Variants in PCDHB3 observed in about 807,000 individuals in gnomAD.
The protein encoded by PCDHB3 is protocadherin beta 3, also known as protocadherin beta-3.
For synonymous variants in PCDHB3, 479 were observed against 456.0 expected (o/e 1.05, Z -0.64); for missense variants, 967 against 1,012.1 (o/e 0.96, Z 0.60).
Position 141,103,728 on chromosome 5 carries a change from G to A in PCDHB3, c.*688G>A, listed in dbSNP as rs1752018220. 1 of 151,994 alleles carries A rather than the reference G, an allele frequency of 6.6e-6. No individual in the cohort carries two copies. The highest frequency in any genetic ancestry group is 2.4e-5 in the African/African-American group (1 of 41,350). 9.4% of individuals were successfully genotyped at this position (151,994 alleles called of 1,614,324 possible). On this transcript the variant is annotated 3_prime_UTR_variant, in exon 1 of 1. Transcript: ENST00000231130. ...TATGTGCTTATATTGGCCAAAATAT[G>A]GACACAAATATAGACTAATATGGGT...
Position 141,102,539 on chromosome 5 carries a change from G to A in PCDHB3, c.1890G>A (p.Leu630=). 6.2e-7 allele frequency: 1 copy of A among 1,608,624 alleles called. No individual in the cohort carries two copies. The highest frequency in any genetic ancestry group is 8.5e-7 in the Non-Finnish European group (1 of 1,179,630). ...GCGAAGTGCGCACCGCCAGGCTGCTGAGCGAGCGCGACGCGGCCAAGCACA... is the reference window on the plus strand; with the variant it reads ...GCGAAGTGCGCACCGCCAGGCTGCTAAGCGAGCGCGACGCGGCCAAGCACA... ...HNGEVRTARL[L]SERDAAKHRL... The change falls in exon 1 of 1, where the codon CTG becomes CTA. Residue 630 remains leucine (L), a synonymous_variant. Transcript: ENST00000231130.
rs781941686 is a variant in PCDHB3, at chr5:141,102,478, C to A, written c.1829C>A (p.Thr610Lys). Residue 610 changes from threonine to lysine, a missense_variant, in exon 1 of 1, where the codon ACG (threonine) becomes AAG (lysine). By Grantham distance (78) the Thr-to-Lys change is moderately conservative (BLOSUM62 -1). Coordinates refer to ENST00000231130, the MANE Select transcript of PCDHB3 (RefSeq NM_018937.5). ...CTGTCGTACCAGCTGCTCAAGGCCACGGAGCCCGGGCTGTTCGGCGTGTGG... is the reference window on the plus strand; with the variant it reads ...CTGTCGTACCAGCTGCTCAAGGCCAAGGAGCCCGGGCTGTTCGGCGTGTGG... The part of the protein sequence containing the change: ...AWLSYQLLKA[T>K]EPGLFGVWAH... The A allele has an allele frequency of 3.7e-6, 6 of 1,609,340 alleles. No homozygotes were observed. Among genetic ancestry groups the A allele is most frequent in the Non-Finnish European group, 5.1e-6 (6 of 1,179,598 alleles).
chr5:141,102,552 G>T lies in PCDHB3; in HGVS notation c.1903G>T (p.Ala635Ser). The change falls in exon 1 of 1, where the codon GCG (alanine) becomes TCG (serine). Residue 635 changes from alanine (A) to serine (S), a missense_variant. Physicochemically the swap from Ala to Ser is moderately conservative, Grantham distance 99. Transcript: ENST00000231130. ...RTARLLSERD[A>S]AKHRLVVLVK... ...CGCCAGGCTGCTGAGCGAGCGCGAC[G>T]CGGCCAAGCACAGGCTGGTGGTGCT... 1 of 1,608,686 alleles carries T rather than the reference G, an allele frequency of 6.2e-7. No homozygotes were observed.
chr5:141,101,253 C>A lies in PCDHB3; in HGVS notation c.604C>A (p.Pro202Thr). 5 of 1,614,078 alleles carry A rather than the reference C, an allele frequency of 3.1e-6. No homozygotes were observed. Among genetic ancestry groups the A allele is most frequent in the Non-Finnish European group, 3.4e-6 (4 of 1,179,992 alleles). Reference protein sequence around the residue: ...PELVLDKALDPEEQPELSLTL... With the variant: ...PELVLDKALDTEEQPELSLTL... Reference sequence around the variant, plus strand: ...ACTAGTACTGGATAAAGCGCTCGATCCGGAGGAGCAGCCGGAACTCAGCTT... The same window carrying A: ...ACTAGTACTGGATAAAGCGCTCGATACGGAGGAGCAGCCGGAACTCAGCTT... The change falls in exon 1 of 1, where the codon CCG becomes ACG. Residue 202 changes from proline (P) to threonine (T), a missense_variant. Pro to Thr is a conservative substitution (Grantham distance 38). Transcript: ENST00000231130.
In PCDHB3 at chr5:141,101,883, G is replaced by A; in HGVS notation, c.1234G>A (p.Glu412Lys). 1.2e-6 allele frequency: 2 copies of A among 1,614,182 alleles called. No homozygotes were observed. Among genetic ancestry groups the A allele is most frequent in the Non-Finnish European group, 8.5e-7 (1 of 1,180,036 alleles). Residue 412 changes from glutamate to lysine, a missense_variant, in exon 1 of 1, where the codon GAG becomes AAG. Physicochemically the swap from Glu to Lys is moderately conservative, Grantham distance 56. Transcript: ENST00000231130. Reference protein sequence around the residue: ...TLVSEGALDRETRSEYNITIT... With the variant: ...TLVSEGALDRKTRSEYNITIT... ...AGTGTCAGAAGGCGCGCTGGACAGA[G>A]AGACCAGATCCGAGTACAACATTAC...
chr5:141,101,933 A>G lies in PCDHB3; in HGVS notation c.1284A>G (p.Thr428=), dbSNP rs1325740360. 6.2e-7 allele frequency: 1 copy of G among 1,614,066 alleles called. No individual in the cohort carries two copies. Among genetic ancestry groups the G allele is most frequent in the South Asian group, 1.1e-5 (1 of 91,076 alleles). ...CCATCACTATCACTGACCTGGGGAC[A>G]CCCAGGCTGAAAACCAAGTACAACA... The part of the protein sequence containing the change: ...NITITITDLG[T]PRLKTKYNIT... Residue 428 remains threonine (T), a synonymous_variant, in exon 1 of 1, where the codon ACA becomes ACG. Coordinates refer to ENST00000231130, the MANE Select transcript of PCDHB3 (RefSeq NM_018937.5).
rs1752002888 is a variant in PCDHB3 at position 141,103,048 on chromosome 5, T to A, written c.*8T>A. On this transcript the variant is annotated 3_prime_UTR_variant, in exon 1 of 1. Transcript: ENST00000231130. ...AGCTTTGAATTCAGTTAAGTGTTAA[T>A]AAGGATCTACTGAGCCTCGTCTTAG... 2 of 1,602,064 alleles carry A rather than the reference T, an allele frequency of 1.2e-6. No individual in the cohort carries two copies. The highest frequency in any genetic ancestry group is 1.7e-6 in the Non-Finnish European group (2 of 1,173,570).
In PCDHB3 at chr5:141,102,116, G is replaced by C. The variant is rs1206872316; in HGVS notation, c.1467G>C (p.Ser489=). 7.4e-6 allele frequency: 12 copies of C among 1,612,744 alleles called. No individual in the cohort carries two copies. The highest frequency in any genetic ancestry group is 2.2e-5 in the East Asian group (1 of 44,888). ...GCACCAACGCCCAGGTAACCTACTCGCTGCTGCCGCCCCAGGACCCGCACC... is the reference window on the plus strand; with the variant it reads ...GCACCAACGCCCAGGTAACCTACTCCCTGCTGCCGCCCCAGGACCCGCACC... ...DSGTNAQVTY[S]LLPPQDPHLP... The change falls in exon 1 of 1, where the codon TCG becomes TCC. Residue 489 remains serine, a synonymous_variant. Transcript: ENST00000231130.
Position 141,102,827 on chromosome 5 carries a change from G to T in PCDHB3, c.2178G>T (p.Ser726=), listed in dbSNP as rs370310302. 2.5e-6 allele frequency: 4 copies of T among 1,612,146 alleles called. No homozygotes were observed. The Admixed American group carries it at 5.0e-5, about 20-fold the overall frequency. ...RSRAASVGRC[S]VPEGPFPGQM... Reference sequence around the variant, plus strand: ...GGGCGGCCTCGGTGGGTCGCTGCTCGGTGCCCGAGGGCCCCTTTCCAGGGC... The same window carrying T: ...GGGCGGCCTCGGTGGGTCGCTGCTCTGTGCCCGAGGGCCCCTTTCCAGGGC... The change falls in exon 1 of 1, where the codon TCG becomes TCT. Residue 726 remains serine, a synonymous_variant. Transcript: ENST00000231130.
chr5:141,102,255 C>T lies in PCDHB3; in HGVS notation c.1606C>T (p.Arg536Cys), dbSNP rs1156469875. Residue 536 changes from arginine (R) to cysteine (C), a missense_variant, in exon 1 of 1, where the codon CGT becomes TGT. Coordinates refer to ENST00000231130, the MANE Select transcript of PCDHB3 (RefSeq NM_018937.5). ...AFEFRVGATD[R>C]GSPALSSEAL... is the part of the protein sequence containing the mutation. ...CGAGTTCCGCGTGGGCGCCACAGAC[C>T]GTGGCTCCCCGGCTTTGAGCAGCGA... 3 of 1,612,110 alleles carry T rather than the reference C, an allele frequency of 1.9e-6. No homozygotes were observed. The highest frequency in any genetic ancestry group is 2.5e-6 in the Non-Finnish European group (3 of 1,179,848).
rs1554272037 is a variant in PCDHB3, at chr5:141,100,616, C to T, written c.-34C>T. On this transcript the variant is annotated 5_prime_UTR_variant, in exon 1 of 1. Coordinates refer to ENST00000231130, the MANE Select transcript of PCDHB3 (RefSeq NM_018937.5). ...CAGCTCTGTCTGAGGTTCAGCTTGG[C>T]GACATTCCCTGGAAGAGCGTGACGG... is the stretch of plus-strand genomic sequence containing the variant. 4 of 1,483,294 alleles carry T rather than the reference C, an allele frequency of 2.7e-6. No homozygotes were observed. Among genetic ancestry groups the T allele is most frequent in the South Asian group, 1.3e-5 (1 of 78,954 alleles). 91.9% of individuals were successfully genotyped at this position (1,483,294 alleles called of 1,614,324 possible). A position where few individuals can be genotyped will look rare whatever the true frequency, so the allele number is the denominator to read the frequency against.
Position 141,101,519 on chromosome 5 carries a change from A to G in PCDHB3, c.870A>G (p.Lys290=), listed in dbSNP as rs1751941400. 1 of 1,614,136 alleles carries G rather than the reference A, an allele frequency of 6.2e-7. No homozygotes were observed. The highest frequency in any genetic ancestry group is 2.2e-5 in the East Asian group (1 of 44,888). Residue 290 remains lysine (K), a synonymous_variant, in exon 1 of 1, where the codon AAA becomes AAG. Coordinates refer to ENST00000231130, the MANE Select transcript of PCDHB3 (RefSeq NM_018937.5). ...AFFHASEEIR[K]TFQLNPITGD... is the part of the protein sequence containing the mutation. ...TTCATGCTTCTGAAGAAATTCGCAA[A>G]ACTTTTCAGCTAAATCCAATTACTG...
In PCDHB3 at chr5:141,103,774, A is replaced by G. The variant is rs1199312187; in HGVS notation, c.*734A>G. Reference sequence around the variant, plus strand: ...TGGGTAATTACCCTTTGGTTTATCTAAAGTGTGTTCATGATGACTGAGGAA... The same window carrying G: ...TGGGTAATTACCCTTTGGTTTATCTGAAGTGTGTTCATGATGACTGAGGAA... On this transcript the variant is annotated 3_prime_UTR_variant, in exon 1 of 1. Transcript: ENST00000231130. 1 of 152,192 alleles carries G rather than the reference A, an allele frequency of 6.6e-6. No individual in the cohort carries two copies. Among genetic ancestry groups the G allele is most frequent in the Non-Finnish European group, 1.5e-5 (1 of 68,038 alleles). The allele number at this position is 152,192 out of a possible 1,614,324, so 9.4% of individuals were successfully genotyped here.
At position 141,101,153 on chromosome 5, in the gene PCDHB3, A is replaced by C. The variant is rs1554272202; in HGVS notation, c.504A>C (p.Gln168His). The C allele has an allele frequency of 6.2e-7, 1 of 1,614,176 alleles. No individual in the cohort carries two copies. Among genetic ancestry groups the C allele is most frequent in the Non-Finnish European group, 8.5e-7 (1 of 1,180,038 alleles). Residue 168 changes from glutamine to histidine, a missense_variant, in exon 1 of 1, where the codon CAA becomes CAC. Gln to His is a conservative substitution (Grantham distance 24). Transcript: ENST00000231130. Reference sequence around the variant, plus strand: ...TGGATGTGGGAAGAAACAGCCTCCAAAACTACACTATCACTCCGAATTCCC... The same window carrying C: ...TGGATGTGGGAAGAAACAGCCTCCACAACTACACTATCACTCCGAATTCCC... ...EDLDVGRNSL[Q>H]NYTITPNSHF...
chr5:141,102,188 G>C lies in PCDHB3; in HGVS notation c.1539G>C (p.Leu513=), dbSNP rs1470343739. ...LVSINADNGH[L]FALRSLDYEA... is the part of the protein sequence containing the mutation. ...CCATCAACGCGGACAACGGCCACCT[G>C]TTTGCCCTCAGGTCGCTGGACTACG... is the stretch of plus-strand genomic sequence containing the variant. Residue 513 remains leucine, a synonymous_variant, in exon 1 of 1, where the codon CTG becomes CTC. Transcript: ENST00000231130. The C allele has an allele frequency of 1.2e-6, 2 of 1,612,976 alleles. No homozygotes were observed. Among genetic ancestry groups the C allele is most frequent in the Non-Finnish European group, 8.5e-7 (1 of 1,179,932 alleles).
rs1554272054 is a variant in PCDHB3, at chr5:141,100,696, T to C, written c.47T>C (p.Leu16Pro). 6.2e-7 allele frequency: 1 copy of C among 1,612,762 alleles called. No homozygotes were observed. The highest frequency in any genetic ancestry group is 1.7e-5 in the Admixed American group (1 of 59,860). ...TTTCTTAGACAAAGGCAAGTCTTGC[T>C]TCTCTTTGTTTTTCTGGGAGGGTCT... ...ERFLRQRQVLLLFVFLGGSLA... is the reference protein window; with the variant it reads ...ERFLRQRQVLPLFVFLGGSLA... Residue 16 changes from leucine to proline, a missense_variant, in exon 1 of 1, where the codon CTT becomes CCT. Coordinates refer to ENST00000231130, the MANE Select transcript of PCDHB3 (RefSeq NM_018937.5).
Position 141,103,750 on chromosome 5 carries a change from G to A in PCDHB3, c.*710G>A, listed in dbSNP as rs2149617685. ...TATGGACACAAATATAGACTAATAT[G>A]GGTAATTACCCTTTGGTTTATCTAA... On this transcript the variant is annotated 3_prime_UTR_variant, in exon 1 of 1. Coordinates refer to ENST00000231130, the MANE Select transcript of PCDHB3 (RefSeq NM_018937.5). 1 of 152,150 alleles carries A rather than the reference G, an allele frequency of 6.6e-6. No individual in the cohort carries two copies. 9.4% of individuals were successfully genotyped at this position (152,150 alleles called of 1,614,324 possible).
chr5:141,101,751 T>C lies in PCDHB3; in HGVS notation c.1102T>C (p.Phe368Leu). The C allele has an allele frequency of 1.2e-6, 2 of 1,614,124 alleles. No individual in the cohort carries two copies. The highest frequency in any genetic ancestry group is 1.7e-6 in the Non-Finnish European group (2 of 1,180,012). The part of the protein sequence containing the change: ...ENSGETVLAV[F>L]SVSDLDSGDN... ...CTCGGGAGAGACTGTACTGGCTGTT[T>C]TCAGTGTTTCTGATCTAGACTCTGG... The change falls in exon 1 of 1, where the codon TTC becomes CTC. Residue 368 changes from phenylalanine (F) to leucine (L), a missense_variant. Phe to Leu is a conservative substitution (Grantham distance 22, BLOSUM62 0). Coordinates refer to ENST00000231130, the MANE Select transcript of PCDHB3 (RefSeq NM_018937.5).
Position 141,101,590 on chromosome 5 carries a change from G to C in PCDHB3, c.941G>C (p.Ser314Thr). 6.2e-7 allele frequency: 1 copy of C among 1,614,180 alleles called. No homozygotes were observed. The highest frequency in any genetic ancestry group is 8.5e-7 in the Non-Finnish European group (1 of 1,180,014). ...TATTTGAATTTTGAAGCGATTAATA[G>C]TTATGAAGTCGACATCGAGGCCAAG... ...VKYLNFEAIN[S>T]YEVDIEAKDG... The change falls in exon 1 of 1, where the codon AGT becomes ACT. Residue 314 changes from serine (S) to threonine (T), a missense_variant. Coordinates refer to ENST00000231130, the MANE Select transcript of PCDHB3 (RefSeq NM_018937.5).
Sources: allele counts gnomAD v4.1 joint callset, GRCh38; gene constraint gnomAD v4.1.1; transcripts MANE v1.5; gene names NCBI Gene and HGNC (gene_info 2026-07-23, HGNC 2026-07-21).